The following SMYD3 variants were observed in gnomAD, a reference collection of about 807,000 sequenced individuals.
SMYD3 encodes SET and MYND domain containing 3, also known as histone-lysine N-methyltransferase SMYD3.
Under a neutral mutation model 57.7 loss-of-function variants are expected in SMYD3, and 36 were observed. The observed-to-expected ratio is 0.62, with a 90% confidence interval of 0.48 to 0.82. The LOEUF (loss-of-function observed/expected upper bound fraction) is 0.82. SMYD3 is among the 40% of genes least tolerant of loss of function. SMYD3 has a pLI of 0.00. For missense variants in SMYD3, 515 were observed against 538.8 expected (o/e 0.96, Z 0.44); for synonymous variants, 211 against 195.0 (o/e 1.08, Z -0.68).
intron 1 of SMYD3, among the ~76,000 whole-genome samples, chr1:246,361,768 G>C (rs1218466622): frequency 1.3e-5 from 2 of 152,170 alleles, no homozygotes; most frequent in Non-Finnish European, 2.9e-5. Context: ...GCATAGGAAT[G>C]ATACACTGGA....
intron 5 of SMYD3, among the ~76,000 whole-genome samples, chr1:246,028,555 A>G (rs1437106401): frequency 1.3e-5 from 2 of 152,216 alleles, no homozygotes. Flanking sequence ...AAGGACAACT[A>G]TGAAACACTG....
chr1:245,858,712 A>T, intron 9 of SMYD3, 42 bp from the exon 10 acceptor site: 1 of 1,579,982 alleles, frequency 6.3e-7, no homozygotes, highest in East Asian at 2.2e-5. Flanking sequence ...CTTCATCAAG[A>T]AAAAAACAAA....
At chr1:246,291,423 T>C (rs1485578277) in intron 5 of SMYD3, among the ~76,000 whole-genome samples, 1 of 152,226 alleles carries the variant, frequency 6.6e-6, no homozygotes, top group Non-Finnish European at 1.5e-5. Context: ...GCCCAGTGCA[T>C]CTGGACTTCT....
At chr1:246,117,139 G>C (rs1364430496) in intron 5 of SMYD3, among the ~76,000 whole-genome samples, 1 of 152,212 alleles carries the variant, frequency 6.6e-6, no homozygotes, top group Non-Finnish European at 1.5e-5. Context: ...TTGCTTGTCA[G>C]ATCTTAGAAC....
chr1:246,284,349 G>A (rs980632118), intron 5 of SMYD3, among the ~76,000 whole-genome samples: 1 of 152,050 alleles, frequency 6.6e-6, no homozygotes, highest in African/African-American at 2.4e-5. Flanking sequence ...GGTCAGCAAC[G>A]TGAATTCTCT....
chr1:245,948,318 A>C (rs1342578099), intron 5 of SMYD3, among the ~76,000 whole-genome samples: 1 of 152,192 alleles, frequency 6.6e-6, no homozygotes, highest in Non-Finnish European at 1.5e-5. Flanking sequence ...TCAACATGGA[A>C]GTGACAGGAG....
chr1:245,797,351 A>G (rs1277762769), intron 10 of SMYD3, among the ~76,000 whole-genome samples: 2 of 152,146 alleles, frequency 1.3e-5, no homozygotes, highest in Non-Finnish European at 2.9e-5. Context: ...GCAGCCACAA[A>G]AAAGGATATT....
chr1:246,284,663 A>G lies in SMYD3; in HGVS notation c.531+42538T>C, dbSNP rs558882473. Among the ~76,000 whole-genome samples, 666 of 151,634 alleles carry G rather than the reference A, an allele frequency of 4.4e-3. 3 individuals carry two copies. Among genetic ancestry groups the G allele is most frequent in the African/African-American group, 0.011 (474 of 41,420 alleles). ...GATCTCCTGACCTCGTGATCCGCCC[A>G]CCTCAGCCTCCCAAAGTGCTGGGAT... On this transcript the variant is annotated intron_variant, in intron 5 of 11. Transcript: ENST00000490107.
intron 5 of SMYD3, chr1:246,188,930 A>G (rs2062689630): frequency 6.6e-6 from 1 of 151,900 alleles, no homozygotes; most frequent in South Asian, 2.1e-4. Context: ...ACTGCACTCC[A>G]GCCTGCGTGA....
chr1:246,026,481 A>G (rs75335030), intron 5 of SMYD3, among the ~76,000 whole-genome samples: 1,995 of 152,324 alleles, frequency 0.013, 45 homozygotes, highest in African/African-American at 0.046. Context: ...GAACAAGTCT[A>G]TTAGCACCAT....
At chr1:246,258,339 G>A (rs891030809) in intron 5 of SMYD3, among the ~76,000 whole-genome samples, 43 of 152,208 alleles carry the variant, frequency 2.8e-4, no homozygotes, top group African/African-American at 9.1e-4. Flanking sequence ...CTGGCCTCAC[G>A]TATTTCTTTA....
chr1:246,190,713 A>G (rs1290260897), intron 5 of SMYD3, among the ~76,000 whole-genome samples: 2 of 152,046 alleles, frequency 1.3e-5, no homozygotes, highest in African/African-American at 2.4e-5. Flanking sequence ...CCCCTCCCCA[A>G]CTCACACACA....
chr1:245,797,271 C>A (rs899993144), intron 10 of SMYD3, among the ~76,000 whole-genome samples: 3 of 152,070 alleles, frequency 2.0e-5, no homozygotes, highest in Admixed American at 2.0e-4. Context: ...AGACTTGGAA[C>A]CAACCCAAAT....
At chr1:246,229,553 C>T (rs1030331207) in intron 5 of SMYD3, among the ~76,000 whole-genome samples, 1 of 152,158 alleles carries the variant, frequency 6.6e-6, no homozygotes, top group Non-Finnish European at 1.5e-5. Context: ...TCTGTTTTCG[C>T]AGTTATAATG....
rs1037994756 is a variant in SMYD3 at position 246,355,613 on chromosome 1, G to A, written c.165-519C>T. 2.0e-5 allele frequency among the ~76,000 whole-genome samples: 3 copies of A among 152,176 alleles called. No individual in the cohort carries two copies. Among genetic ancestry groups the A allele is most frequent in the Non-Finnish European group, 1.5e-5 (1 of 68,038 alleles). The stretch of plus-strand genomic sequence containing the variant: ...GTGCTGCTGTGGGGGCACGGTGGGA[G>A]TGAGACCAGCCTTTAGGACTGCGGG... On this transcript the variant is annotated intron_variant, in intron 1 of 11. Coordinates refer to ENST00000490107, the MANE Select transcript of SMYD3 (RefSeq NM_001167740.2). The surrounding 1 kb of genome is among the most constrained non-coding windows in gnomAD (Gnocchi z 5.0).
chr1:246,168,586 G>A (rs1198145349), intron 5 of SMYD3, among the ~76,000 whole-genome samples: 2 of 152,172 alleles, frequency 1.3e-5, no homozygotes, highest in Admixed American at 6.5e-5. Context: ...AAAAAGAATG[G>A]AGAACGTTTA....
chr1:246,198,465 T>TA (rs1251148264), intron 5 of SMYD3, among the ~76,000 whole-genome samples: 2 of 152,232 alleles, frequency 1.3e-5, no homozygotes. Context: ...ATGAATTTGA[T>TA]AAAAAATATC....
chr1:246,344,553 T>C (rs1182949678), intron 2 of SMYD3, among the ~76,000 whole-genome samples: 1 of 152,244 alleles, frequency 6.6e-6, no homozygotes, highest in Admixed American at 6.5e-5. Flanking sequence ...CAAGTTGTTT[T>C]TGTAGATGTA....
Position 246,211,127 on chromosome 1 carries a change from A to AT in SMYD3, c.531+116073dup, listed in dbSNP as rs536633338. Among the ~76,000 whole-genome samples the AT allele has an allele frequency of 8.3e-4, 127 of 152,270 alleles. 2 individuals are homozygous for AT. Among genetic ancestry groups the AT allele is most frequent in the African/African-American group, 2.8e-3 (118 of 41,538 alleles). On this transcript the variant is annotated intron_variant, in intron 5 of 11. Transcript: ENST00000490107. ...AATTTTTCTATTATAGGAAAAAAAAATCATGAACCAAATTGGTCTAAGAAT... is the reference window on the plus strand; with the variant it reads ...AATTTTTCTATTATAGGAAAAAAAAATTCATGAACCAAATTGGTCTAAGAAT...
Sources: gnomAD v4.1 joint callset for allele counts (sites outside exome capture counted in the v4.1 genomes callset) on GRCh38, gnomAD v4.1.1 for gene constraint, Gnocchi (gnomAD v3.1) non-coding constraint, MANE v1.5 for transcripts, NCBI Gene and HGNC (gene_info 2026-07-23, HGNC 2026-07-21) for gene names.